SLC24A2: variants seen among roughly 807,000 people sequenced by gnomAD.
The protein encoded by SLC24A2 is sodium/potassium/calcium exchanger 2.
SLC24A2 carries 36 observed loss-of-function variants against 62.0 expected under a neutral mutation model. That is an observed-to-expected ratio of 0.58 (90% confidence interval 0.44 to 0.77). The LOEUF (loss-of-function observed/expected upper bound fraction) is 0.77. Ranked by LOEUF, SLC24A2 falls within the 30% of genes least tolerant of loss-of-function variation. The pLI is 0.00. For synonymous variants in SLC24A2, 358 were observed against 294.0 expected, an observed-to-expected ratio of 1.22 and a Z score of -2.23; for missense variants, 846 against 817.9, an observed-to-expected ratio of 1.03 and a Z score of -0.42.
chr9:20,273,703 A>G, the SLC24A2 span, among the ~76,000 whole-genome samples: 8 of 152,306 alleles, frequency 5.3e-5, no homozygotes, highest in Admixed American at 2.6e-4. Context: ...TTTCTTTTGT[A>G]AATTGCCCAG....
rs114956993 is a variant in SLC24A2 at position 19,597,046 on chromosome 9, T to C, written c.1129+183A>G. The stretch of plus-strand genomic sequence containing the variant: ...TGGAATAACATGATTACCCATGGTA[T>C]TGCACGTCTCCAATTCCAAATAAAC... On this transcript the variant is annotated intron_variant, in intron 5 of 10. Coordinates refer to ENST00000341998, the MANE Select transcript of SLC24A2 (RefSeq NM_020344.4). Among the ~76,000 whole-genome samples the C allele has an allele frequency of 4.1e-3, 622 of 152,248 alleles. 7 individuals carry two copies. Among genetic ancestry groups the C allele is most frequent in the African/African-American group, 0.014 (593 of 41,538 alleles).
At chr9:20,292,061 A>C in the SLC24A2 span, among the ~76,000 whole-genome samples, 1 of 152,072 alleles carries the variant, frequency 6.6e-6, no homozygotes, top group East Asian at 1.9e-4. Flanking sequence ...CCTGCACTGG[A>C]CTCCTGGATG....
the SLC24A2 span, among the ~76,000 whole-genome samples, chr9:20,026,401 C>G: frequency 6.6e-6 from 1 of 152,206 alleles, no homozygotes; most frequent in Non-Finnish European, 1.5e-5. Flanking sequence ...AGTAAGCACT[C>G]TATAAATTGG....
At chr9:19,743,843 A>G (rs1318690862) in intron 2 of SLC24A2, among the ~76,000 whole-genome samples, 1 of 152,198 alleles carries the variant, frequency 6.6e-6, no homozygotes, top group Non-Finnish European at 1.5e-5. Context: ...GATCAACAGT[A>G]TAAATGGACG....
the SLC24A2 span, among the ~76,000 whole-genome samples, chr9:19,976,492 T>G: frequency 6.6e-6 from 1 of 152,222 alleles, no homozygotes; most frequent in Non-Finnish European, 1.5e-5. Context: ...CTCCACCTTC[T>G]ACTGTGACTG....
chr9:19,752,575 C>T (rs1278630905), intron 2 of SLC24A2, among the ~76,000 whole-genome samples: 2 of 152,278 alleles, frequency 1.3e-5, no homozygotes, highest in South Asian at 2.1e-4. Context: ...ACTTGGAAAA[C>T]TCCTTAAACT....
the SLC24A2 span, among the ~76,000 whole-genome samples, chr9:20,188,286 A>G: frequency 3.9e-5 from 6 of 152,260 alleles, no homozygotes; most frequent in South Asian, 2.1e-4. Flanking sequence ...GGGTGCCATC[A>G]TGAGGTTTCC....
At chr9:19,770,808 G>T (rs1423893942) in intron 2 of SLC24A2, among the ~76,000 whole-genome samples, 1 of 152,208 alleles carries the variant, frequency 6.6e-6, no homozygotes, top group East Asian at 1.9e-4. Context: ...GTTAAAGATA[G>T]AGAAGAGCAA....
the SLC24A2 span, among the ~76,000 whole-genome samples, chr9:19,952,952 T>G: frequency 6.6e-6 from 1 of 152,090 alleles, no homozygotes; most frequent in African/African-American, 2.4e-5. Context: ...GCTATTAACA[T>G]TCTCTATTTC....
the SLC24A2 span, among the ~76,000 whole-genome samples, chr9:19,939,050 A>G: frequency 6.6e-6 from 1 of 152,360 alleles, no homozygotes; most frequent in South Asian, 2.1e-4. Context: ...CATGTCCGTA[A>G]CTATTATGGC....
chr9:19,583,219 G>A (rs372364899), intron 5 of SLC24A2, among the ~76,000 whole-genome samples: 7 of 152,106 alleles, frequency 4.6e-5, no homozygotes, highest in African/African-American at 7.2e-5. Flanking sequence ...TCTTGAAAAC[G>A]CTGTGCACAA....
chr9:19,728,077 T>C (rs191949756), intron 2 of SLC24A2, among the ~76,000 whole-genome samples: 60 of 152,116 alleles, frequency 3.9e-4, no homozygotes, highest in Non-Finnish European at 7.2e-4. Flanking sequence ...TGGGATTAGG[T>C]GTGTCGGCTG....
the SLC24A2 span, among the ~76,000 whole-genome samples, chr9:20,027,116 G>C: frequency 1.3e-5 from 2 of 152,092 alleles, no homozygotes; most frequent in African/African-American, 4.8e-5. Flanking sequence ...ACCGCAATGA[G>C]CTATTATCTC....
At chr9:19,761,870 C>T (rs538123987) in intron 2 of SLC24A2, among the ~76,000 whole-genome samples, 3 of 152,122 alleles carry the variant, frequency 2.0e-5, no homozygotes, top group African/African-American at 7.2e-5. Context: ...TTTTCTTAAT[C>T]CAGTCTATCG....
intron 9 of SLC24A2, among the ~76,000 whole-genome samples, chr9:19,526,659 A>G (rs1404123230): frequency 1.3e-5 from 2 of 152,132 alleles, no homozygotes; most frequent in African/African-American, 4.8e-5. Context: ...CTTTGGTGAA[A>G]TATCTGTTCA....
the SLC24A2 span, among the ~76,000 whole-genome samples, chr9:20,252,701 T>C: frequency 2.6e-5 from 4 of 152,236 alleles, no homozygotes; most frequent in African/African-American, 9.6e-5. Flanking sequence ...TTATTTGTTT[T>C]GCTTTTTACT....
chr9:19,959,001 C>CA, the SLC24A2 span, among the ~76,000 whole-genome samples: 1 of 152,048 alleles, frequency 6.6e-6, no homozygotes, highest in African/African-American at 2.4e-5. Context: ...CATCCCCTGC[C>CA]AAAAAAAGCA....
At chr9:19,969,916 C>T in the SLC24A2 span, among the ~76,000 whole-genome samples, 1 of 152,088 alleles carries the variant, frequency 6.6e-6, no homozygotes, top group Non-Finnish European at 1.5e-5. Context: ...TATAAAGTGT[C>T]TGTGCAAGAG....
chr9:19,546,729 G>T (rs989652823), intron 8 of SLC24A2, among the ~76,000 whole-genome samples: 2 of 148,796 alleles, frequency 1.3e-5, no homozygotes, highest in African/African-American at 5.2e-5. Context: ...CACCACTGAG[G>T]TATGGGAAAA....
Sources: allele counts gnomAD v4.1 joint callset (sites outside exome capture counted in the v4.1 genomes callset), GRCh38; gene constraint gnomAD v4.1.1; transcripts MANE v1.5; gene names NCBI Gene and HGNC (gene_info 2026-07-23, HGNC 2026-07-21).